GRP: variants seen among roughly 807,000 people sequenced by gnomAD.
GRP encodes the protein gastrin releasing peptide.
GRP carries 11 observed loss-of-function variants against 12.7 expected under a neutral mutation model. The ratio of observed to expected loss-of-function variants is 0.87; its 90% confidence interval spans 0.55 to 1.44. The LOEUF (loss-of-function observed/expected upper bound fraction) is 1.44, where lower values mean the gene tolerates loss of function less well. GRP is among the 40% of genes most tolerant of loss of function. The pLI is 0.00. For synonymous variants in GRP, 84 were observed against 77.7 expected (o/e 1.08, Z -0.43); for missense variants, 212 against 185.4 (o/e 1.14, Z -0.83).
At chr18:59,225,440 C>G in intron 1 of GRP, 52 bp from the exon 2 acceptor site, 2 of 1,545,130 alleles carry the variant, frequency 1.3e-6, no homozygotes, top group Non-Finnish European at 1.8e-6. Context: ...CTCATTCATT[C>G]CCTTTGGTTA....
At chr18:59,228,095 G>T (rs138856137) in intron 2 of GRP, among the ~76,000 whole-genome samples, 1 of 152,056 alleles carries the variant, frequency 6.6e-6, no homozygotes, top group Admixed American at 6.6e-5. Context: ...ATTAGTTATC[G>T]CACACATTGG....
At chr18:59,229,367 T>A (rs1289499880) in intron 2 of GRP, among the ~76,000 whole-genome samples, 1 of 152,186 alleles carries the variant, frequency 6.6e-6, no homozygotes, top group Non-Finnish European at 1.5e-5. Flanking sequence ...TATGTAGATT[T>A]TTTTCCCTAC....
chr18:59,220,085 G>A, upstream of GRP: 1 of 430,868 alleles, frequency 2.3e-6, no homozygotes, highest in Non-Finnish European at 4.1e-6. Flanking sequence ...GAGCGCTCTG[G>A]TCCGCGATAG....
intron 1 of GRP, among the ~76,000 whole-genome samples, 199 bp from the exon 2 acceptor site, chr18:59,225,293 T>C (rs2069899016): frequency 6.6e-6 from 1 of 152,202 alleles, no homozygotes; most frequent in Non-Finnish European, 1.5e-5. Flanking sequence ...CTGAATGCTG[T>C]CTAGCTCATT....
At position 59,225,574 on chromosome 18, in the gene GRP, C is replaced by T; in HGVS notation, c.222C>T (p.Tyr74=). ...RGSLKQQLRE[Y]IRWEEAARNL... ...GCCTGAAGCAGCAGCTGAGAGAGTA[C>T]ATCAGGTGGGAAGAAGCTGCAAGGA... The change falls in exon 2 of 3, where the codon TAC becomes TAT. Residue 74 remains tyrosine (Y), a synonymous_variant. Coordinates refer to ENST00000256857, the MANE Select transcript of GRP (RefSeq NM_002091.5). The T allele has an allele frequency of 6.2e-7, 1 of 1,613,954 alleles. No individual in the cohort carries two copies. The highest frequency in any genetic ancestry group is 1.3e-5 in the African/African-American group (1 of 75,002).
At chr18:59,221,560 T>G (rs969814483) in intron 1 of GRP, among the ~76,000 whole-genome samples, 1 of 150,810 alleles carries the variant, frequency 6.6e-6, no homozygotes, top group African/African-American at 2.5e-5. Context: ...GATTTAAGAG[T>G]GTGTATGTGT....
intron 1 of GRP, among the ~76,000 whole-genome samples, chr18:59,223,576 C>A (rs751236168): frequency 5.9e-5 from 9 of 152,170 alleles, no homozygotes; most frequent in Non-Finnish European, 1.3e-4. Context: ...ATATCTGCAT[C>A]ACTTCTCTGT....
Position 59,220,371 on chromosome 18 carries a change from A to C in GRP, c.106A>C (p.Lys36Gln), listed in dbSNP as rs1430364267. 3 of 1,430,850 alleles carry C rather than the reference A, an allele frequency of 2.1e-6. No individual in the cohort carries two copies. Among genetic ancestry groups the C allele is most frequent in the Admixed American group, 5.5e-5 (2 of 36,064 alleles). The allele number at this position is 1,430,850 out of a possible 1,614,324, so 88.6% of individuals were successfully genotyped here. The change falls in exon 1 of 3, where the codon AAG becomes CAG. Residue 36 changes from lysine (K) to glutamine (Q), a missense_variant. Coordinates refer to ENST00000256857, the MANE Select transcript of GRP (RefSeq NM_002091.5). The part of the protein sequence containing the change: ...LPAGGGTVLT[K>Q]MYPRGNHWAV... ...TGCGGGCGGAGGGACCGTGCTGACCAAGATGTACCCGCGCGGCAACCACTG... is the reference window on the plus strand; with the variant it reads ...TGCGGGCGGAGGGACCGTGCTGACCCAGATGTACCCGCGCGGCAACCACTG...
chr18:59,225,902 T>A (rs935748676), intron 2 of GRP, among the ~76,000 whole-genome samples, 168 bp downstream of exon 2: 4 of 152,194 alleles, frequency 2.6e-5, no homozygotes, highest in Admixed American at 2.6e-4. Flanking sequence ...TACATTCTCT[T>A]CTTTTTGACA....
chr18:59,225,156 C>G (rs924535730), intron 1 of GRP, among the ~76,000 whole-genome samples: 2 of 152,116 alleles, frequency 1.3e-5, no homozygotes, highest in African/African-American at 4.8e-5. Flanking sequence ...TAGATTTAAT[C>G]TAGTCTACCC....
chr18:59,227,135 T>A (rs1373063697), intron 2 of GRP, among the ~76,000 whole-genome samples: 2 of 150,896 alleles, frequency 1.3e-5, no homozygotes, highest in African/African-American at 2.4e-5. Context: ...ATGTTGCCCA[T>A]GCTTGTCTCA....
At chr18:59,223,292 T>C (rs974301212) in intron 1 of GRP, among the ~76,000 whole-genome samples, 5 of 152,214 alleles carry the variant, frequency 3.3e-5, no homozygotes, top group African/African-American at 1.2e-4. Context: ...ATCATCCATG[T>C]TGCCATGGAG....
chr18:59,220,113 C>A (rs1021425545), upstream of GRP: 4 of 359,102 alleles, frequency 1.1e-5, no homozygotes, highest in Non-Finnish European at 2.0e-5. Flanking sequence ...CCCCAGCCCC[C>A]CCGCCCGGGC....
chr18:59,220,236 G>A lies in GRP; in HGVS notation c.-30G>A. 3 of 1,432,344 alleles carry A rather than the reference G, an allele frequency of 2.1e-6. No individual in the cohort carries two copies. Among genetic ancestry groups the A allele is most frequent in the Non-Finnish European group, 2.7e-6 (3 of 1,095,108 alleles). The allele number at this position is 1,432,344 out of a possible 1,614,324, so 88.7% of individuals were successfully genotyped here. ...AGTCTCTGCTCTTCCCAGCCTCTCC[G>A]GCGCGCTCCAAGGGCTTCCCGTCGG... On this transcript the variant is annotated 5_prime_UTR_variant, in exon 1 of 3. Transcript: ENST00000256857.
rs565942867 is a variant in GRP at position 59,224,080 on chromosome 18, T to G, written c.140-1412T>G. 2.6e-5 allele frequency among the ~76,000 whole-genome samples: 4 copies of G among 152,374 alleles called. No homozygotes were observed. In the South Asian group the frequency reaches 8.3e-4, roughly 32 times the overall value. On this transcript the variant is annotated intron_variant, in intron 1 of 2. Transcript: ENST00000256857. Reference sequence around the variant, plus strand: ...ATTTTTATAACATTAGAAAGCCTTTTGTAGACCTTATCCTTATTTCCAGAT... The same window carrying G: ...ATTTTTATAACATTAGAAAGCCTTTGGTAGACCTTATCCTTATTTCCAGAT...
chr18:59,228,786 C>T (rs564091884), intron 2 of GRP, among the ~76,000 whole-genome samples: 18 of 152,296 alleles, frequency 1.2e-4, no homozygotes, highest in African/African-American at 3.6e-4. Context: ...AAACTCATCC[C>T]CATGGATGAA....
chr18:59,228,251 T>C (rs1454903694), intron 2 of GRP, among the ~76,000 whole-genome samples: 4 of 152,152 alleles, frequency 2.6e-5, no homozygotes, highest in Non-Finnish European at 2.9e-5. Context: ...GAAAACACCT[T>C]ACAATGATCT....
intron 2 of GRP, among the ~76,000 whole-genome samples, chr18:59,229,389 C>A (rs1361758580): frequency 6.6e-6 from 1 of 152,152 alleles, no homozygotes. Flanking sequence ...CATTAGCTGG[C>A]CCCTTTTATG....
In GRP at chr18:59,226,524, C is replaced by T. The variant is rs1001533643; in HGVS notation, c.382+790C>T. 3.9e-5 allele frequency among the ~76,000 whole-genome samples: 6 copies of T among 152,180 alleles called. No homozygotes were observed. In the East Asian group the frequency reaches 9.6e-4, roughly 24 times the overall value. The stretch of plus-strand genomic sequence containing the variant: ...GCTAAGCAGTTTACCTCCATTTTCT[C>T]GGCTTATGCTCACAGAAGTCTTAGA... On this transcript the variant is annotated intron_variant, in intron 2 of 2. Coordinates refer to ENST00000256857, the MANE Select transcript of GRP (RefSeq NM_002091.5).
Sources: gnomAD v4.1 joint callset for allele counts (sites outside exome capture counted in the v4.1 genomes callset) on GRCh38, gnomAD v4.1.1 for gene constraint, MANE v1.5 for transcripts, NCBI Gene and HGNC (gene_info 2026-07-23, HGNC 2026-07-21) for gene names.